The following SLC11A2 variants were observed in gnomAD, a reference collection of about 807,000 sequenced individuals.
SLC11A2 encodes solute carrier family 11 member 2, also known as natural resistance-associated macrophage protein 2.
A neutral mutation model predicts 68.0 loss-of-function variants in SLC11A2; 38 were observed. The observed-to-expected ratio is 0.56, with a 90% CI of 0.43 to 0.73. The LOEUF is 0.73. Ranked by LOEUF, SLC11A2 falls within the 30% of genes least tolerant of loss-of-function variation. SLC11A2 has a pLI of 0.00. For missense variants in SLC11A2, 517 were observed against 690.5 expected, an observed-to-expected ratio of 0.75 and a Z score of 2.82; for synonymous variants, 242 against 250.6, an observed-to-expected ratio of 0.97 and a Z score of 0.32.
At chr12:51,025,871 G>A (rs1944349409) in intron 1 of SLC11A2, 1 of 988,066 alleles carries the variant, frequency 1.0e-6, no homozygotes, top group Admixed American at 6.1e-5. Context: ...GGCGGCGGGA[G>A]GCCCCGGAGA....
intron 11 of SLC11A2, 91 bp downstream of exon 11, chr12:50,994,453 C>T: frequency 2.5e-6 from 2 of 815,240 alleles, no homozygotes; most frequent in South Asian, 2.7e-5. Context: ...AGGAGATATG[C>T]TCATATCTGA....
chr12:51,013,376 T>C (rs951273714), intron 1 of SLC11A2, among the ~76,000 whole-genome samples: 4 of 151,212 alleles, frequency 2.6e-5, no homozygotes, highest in Non-Finnish European at 4.4e-5. Flanking sequence ...CTACAACCTC[T>C]GCTTCCTAGG....
chr12:50,986,877 T>C lies in SLC11A2; in HGVS notation c.*1448A>G. Reference sequence around the variant, plus strand: ...TGTGTGCAAGTATCAGTAATAATGCTTTTGGGGGCTCAGATGAACAGCGAA... The same window carrying C: ...TGTGTGCAAGTATCAGTAATAATGCCTTTGGGGGCTCAGATGAACAGCGAA... On this transcript the variant is annotated 3_prime_UTR_variant, in exon 16 of 16. Transcript: ENST00000262052. 1 of 1,287,182 alleles carries C rather than the reference T, an allele frequency of 7.8e-7. No homozygotes were observed. The highest frequency in any genetic ancestry group is 1.0e-6 in the Non-Finnish European group (1 of 988,688). The allele number at this position is 1,287,182 out of a possible 1,614,324, so 79.7% of individuals were successfully genotyped here.
At chr12:50,963,341 G>A in the SLC11A2 span, among the ~76,000 whole-genome samples, 1 of 130,442 alleles carries the variant, frequency 7.7e-6, no homozygotes, top group East Asian at 2.3e-4. Flanking sequence ...CTGCACTCCA[G>A]CCTGGGTGAA....
chr12:50,992,109 A>G, intron 13 of SLC11A2, 81 bp downstream of exon 13: 1 of 1,365,026 alleles, frequency 7.3e-7, no homozygotes, highest in South Asian at 1.2e-5. Flanking sequence ...TCCCCCCAGC[A>G]CTCAGCTAGG....
rs184181573 is a variant in SLC11A2 at position 51,018,256 on chromosome 12, G to A, written c.-38-7490C>T. ...CTAAAAATACAAAAATTAGCCGGGC[G>A]TGGTTGTGGGTGCCTGTAATCCCAG... On this transcript the variant is annotated intron_variant, in intron 1 of 15. Transcript: ENST00000262052. Among the ~76,000 whole-genome samples the A allele has an allele frequency of 2.5e-3, 374 of 152,124 alleles. 3 individuals are homozygous for A. Among genetic ancestry groups the A allele is most frequent in the African/African-American group, 8.4e-3 (350 of 41,498 alleles).
At chr12:50,960,349 G>C in the SLC11A2 span, among the ~76,000 whole-genome samples, 1 of 152,188 alleles carries the variant, frequency 6.6e-6, no homozygotes, top group African/African-American at 2.4e-5. Context: ...GAGATGCTGG[G>C]TTAGTTCACT....
Position 50,996,965 on chromosome 12 carries a change from G to C in SLC11A2, c.683C>G (p.Thr228Arg), listed in dbSNP as rs781285900. Residue 228 changes from threonine (T) to arginine (R), a missense_variant, in exon 9 of 16, where the codon ACA (threonine) becomes AGA (arginine). Coordinates refer to ENST00000262052, the MANE Select transcript of SLC11A2 (RefSeq NM_000617.3). ...MALTFGYEYV[T>R]VKPSQSQVLK... ...TACCTGGCTCTGGCTGGGTTTCACTGTAACATACTACATACCAACATAACA... is the reference window on the plus strand; with the variant it reads ...TACCTGGCTCTGGCTGGGTTTCACTCTAACATACTACATACCAACATAACA... The C allele has an allele frequency of 2.5e-6, 4 of 1,613,760 alleles. No homozygotes were observed. The highest frequency in any genetic ancestry group is 3.4e-6 in the Non-Finnish European group (4 of 1,179,792).
intron 2 of SLC11A2, chr12:51,009,293 C>G: frequency 2.3e-6 from 3 of 1,293,972 alleles, no homozygotes; most frequent in Non-Finnish European, 2.9e-6. Context: ...GGGGTACTGG[C>G]ACCCTCGTGA....
chr12:51,016,349 C>A (rs1284444223), intron 1 of SLC11A2, among the ~76,000 whole-genome samples: 1 of 151,530 alleles, frequency 6.6e-6, no homozygotes, highest in Non-Finnish European at 1.5e-5. Flanking sequence ...GAGTTCGAGA[C>A]CAGCCTGGCC....
chr12:50,969,325 A>G, the SLC11A2 span, among the ~76,000 whole-genome samples: 1 of 151,658 alleles, frequency 6.6e-6, no homozygotes, highest in African/African-American at 2.4e-5. Flanking sequence ...AAATAAATCC[A>G]GATTTTGAGA....
At chr12:50,992,127 C>A (rs1941211017) in intron 13 of SLC11A2, 63 bp downstream of exon 13, 2 of 1,548,800 alleles carry the variant, frequency 1.3e-6, no homozygotes, top group African/African-American at 1.4e-5. Flanking sequence ...AGGCTTGGTA[C>A]CCAAGGGCAG....
intron 4 of SLC11A2, 150 bp downstream of exon 4, chr12:51,005,161 C>T (rs926189104): frequency 3.2e-6 from 3 of 928,236 alleles, no homozygotes; most frequent in South Asian, 1.4e-5. Context: ...AAAAATAAGA[C>T]CAAATGGAAA....
chr12:50,973,334 A>G, the SLC11A2 span, among the ~76,000 whole-genome samples: 543 of 152,284 alleles, frequency 3.6e-3, 5 homozygotes, highest in African/African-American at 0.012. Flanking sequence ...GCTGTTCACC[A>G]ATATTTGCTG....
upstream of SLC11A2, among the ~76,000 whole-genome samples, chr12:51,026,975 G>A (rs1421708194): frequency 5.9e-5 from 9 of 152,186 alleles, no homozygotes; most frequent in African/African-American, 2.2e-4. Context: ...TCGGGAGTTT[G>A]AGACCAGCCT....
At chr12:50,956,156 C>G in the SLC11A2 span, among the ~76,000 whole-genome samples, 1 of 152,202 alleles carries the variant, frequency 6.6e-6, no homozygotes, top group African/African-American at 2.4e-5. Context: ...CTTTGGCAGG[C>G]CAAGGTGGGT....
chr12:50,987,549 G>A lies in SLC11A2; in HGVS notation c.*776C>T, dbSNP rs768346443. Reference sequence around the variant, plus strand: ...GTTTTACAACCACATGTGCTCAAGAGTAAATATCATCAGGAAAGCTCTGTA... The same window carrying A: ...GTTTTACAACCACATGTGCTCAAGAATAAATATCATCAGGAAAGCTCTGTA... On this transcript the variant is annotated 3_prime_UTR_variant, in exon 16 of 16. Coordinates refer to ENST00000262052, the MANE Select transcript of SLC11A2 (RefSeq NM_000617.3). 26 of 1,287,178 alleles carry A rather than the reference G, an allele frequency of 2.0e-5. No homozygotes were observed. In the South Asian group the frequency reaches 3.0e-4, roughly 15 times the overall value. 79.7% of individuals were successfully genotyped at this position (1,287,178 alleles called of 1,614,324 possible).
At chr12:50,982,849 G>A (rs1463430150), downstream of SLC11A2, among the ~76,000 whole-genome samples, 2 of 150,914 alleles carry the variant, frequency 1.3e-5, no homozygotes, top group Non-Finnish European at 2.9e-5. Flanking sequence ...GCTGAGGCAG[G>A]AGAAACACTT....
chr12:50,974,013 T>C, the SLC11A2 span, among the ~76,000 whole-genome samples: 19 of 152,138 alleles, frequency 1.2e-4, no homozygotes, highest in Admixed American at 7.2e-4. Context: ...CTACGTCTGA[T>C]TGGTGTACCT....
Sources: allele counts gnomAD v4.1 joint callset (sites outside exome capture counted in the v4.1 genomes callset), GRCh38; gene constraint gnomAD v4.1.1; transcripts MANE v1.5; gene names NCBI Gene and HGNC (gene_info 2026-07-23, HGNC 2026-07-21).